The following NBEA variants were observed in gnomAD, a reference collection of about 807,000 sequenced individuals.
The protein encoded by NBEA is neurobeachin.
In NBEA, 44 loss-of-function variants were observed where a neutral mutation model predicts 343.4. The ratio of observed to expected loss-of-function variants is 0.13; its 90% CI spans 0.10 to 0.16. NBEA has a LOEUF of 0.16. Ranked by LOEUF, NBEA falls within the 10% of genes least tolerant of loss-of-function variation. The pLI, the probability that NBEA is intolerant of heterozygous loss-of-function variation, is 1.00. For missense variants in NBEA, 2,555 were observed against 3,631.3 expected (o/e 0.70, Z 7.62); for synonymous variants, 1,175 against 1,238.7 (o/e 0.95, Z 1.08).
intron 10 of NBEA, among the ~76,000 whole-genome samples, chr13:35,081,697 T>G (rs893708174): frequency 2.0e-5 from 3 of 152,262 alleles, no homozygotes; most frequent in Admixed American, 6.5e-5. Flanking sequence ...AACAGAAGAT[T>G]TTTTATATAA....
Position 35,349,363 on chromosome 13 carries a change from TCAAA to T in NBEA, c.6012+150_6012+153del, listed in dbSNP as rs1234487559. ...TGTTTTTTAAAAGCTTTAGTAAATG[TCAAA>T]CAGAGTACTAATATATTTTCACCCC... On this transcript the variant is annotated intron_variant, in intron 37 of 58. Transcript: ENST00000379939. The T allele has an allele frequency of 1.2e-5, 6 of 505,990 alleles. No homozygotes were observed. In the East Asian group the frequency reaches 1.2e-4, roughly 10 times the overall value. 31.3% of individuals were successfully genotyped at this position (505,990 alleles called of 1,614,324 possible). A position where few individuals can be genotyped will look rare whatever the true frequency, so the allele number is the denominator to read the frequency against.
intron 38 of NBEA, among the ~76,000 whole-genome samples, chr13:35,388,299 A>G (rs1345010238): frequency 1.3e-5 from 2 of 152,180 alleles, no homozygotes; most frequent in Admixed American, 6.5e-5. Context: ...TGTCTTGGAA[A>G]GCCTTCTGGG....
intron 56 of NBEA, 91 bp from the exon 57 acceptor site, chr13:35,667,283 C>T (rs894717933): frequency 7.7e-6 from 8 of 1,038,068 alleles, no homozygotes; most frequent in African/African-American, 1.6e-5. Flanking sequence ...CACATCTGAG[C>T]GCACACCCAG....
chr13:35,629,556 G>T (rs1030509250), intron 49 of NBEA, among the ~76,000 whole-genome samples: 3 of 152,122 alleles, frequency 2.0e-5, no homozygotes, highest in African/African-American at 7.2e-5. Context: ...ACCATATTGT[G>T]TGCACACAAG....
chr13:35,436,051 AG>A (rs1385205499), intron 39 of NBEA, among the ~76,000 whole-genome samples: 1 of 152,040 alleles, frequency 6.6e-6, no homozygotes, highest in African/African-American at 2.4e-5. Flanking sequence ...TATTGTGGGA[AG>A]ACTGGTTTCA....
chr13:35,287,574 C>G (rs2035513333), intron 34 of NBEA, among the ~76,000 whole-genome samples: 3 of 152,048 alleles, frequency 2.0e-5, no homozygotes, highest in Admixed American at 1.3e-4. Flanking sequence ...TCTCTTTGTT[C>G]TCTGCTTCCT....
chr13:35,576,911 G>A (rs2080770538), intron 45 of NBEA, among the ~76,000 whole-genome samples: 1 of 152,018 alleles, frequency 6.6e-6, no homozygotes, highest in Non-Finnish European at 1.5e-5. Context: ...GTGTACTTAC[G>A]ACTTTTGATT....
At chr13:35,131,648 T>C (rs2067435787) in intron 17 of NBEA, among the ~76,000 whole-genome samples, 1 of 152,188 alleles carries the variant, frequency 6.6e-6, no homozygotes, top group Admixed American at 6.5e-5. Context: ...AAGCCTGCTT[T>C]CACCACCCCT....
At chr13:35,535,351 A>C (rs2078486767) in intron 41 of NBEA, among the ~76,000 whole-genome samples, 1 of 152,212 alleles carries the variant, frequency 6.6e-6, no homozygotes. Flanking sequence ...CTTCAAATGC[A>C]GAAGACAGAA....
At chr13:35,042,375 G>T (rs999032890) in intron 2 of NBEA, among the ~76,000 whole-genome samples, 9 of 151,446 alleles carry the variant, frequency 5.9e-5, no homozygotes, top group Admixed American at 5.3e-4. Context: ...AAATTCTAGA[G>T]GTACTTAATA....
chr13:35,006,774 G>A (rs1386835138), intron 1 of NBEA, among the ~76,000 whole-genome samples: 5 of 152,134 alleles, frequency 3.3e-5, no homozygotes, highest in Non-Finnish European at 7.4e-5. Context: ...TTTTGAAAGA[G>A]TCTCACTCTG....
At chr13:35,315,799 A>T (rs1313764257) in intron 36 of NBEA, among the ~76,000 whole-genome samples, 1 of 152,114 alleles carries the variant, frequency 6.6e-6, no homozygotes, top group Admixed American at 6.6e-5. Flanking sequence ...TAGTGATTGT[A>T]TGGCACCAAT....
chr13:35,595,746 A>G (rs2081762712), intron 47 of NBEA, among the ~76,000 whole-genome samples: 2 of 152,086 alleles, frequency 1.3e-5, no homozygotes, highest in African/African-American at 2.4e-5. Flanking sequence ...ATCCTCAAAG[A>G]TGAAAATTCA....
chr13:35,374,389 A>G (rs1270914640), intron 38 of NBEA, among the ~76,000 whole-genome samples: 2 of 152,204 alleles, frequency 1.3e-5, no homozygotes, highest in Non-Finnish European at 2.9e-5. Context: ...ACCATAACAG[A>G]TATTTTAGAA....
At chr13:35,630,360 C>G (rs1250795670) in intron 49 of NBEA, among the ~76,000 whole-genome samples, 1 of 152,046 alleles carries the variant, frequency 6.6e-6, no homozygotes, top group East Asian at 1.9e-4. Flanking sequence ...CTTAATGAAA[C>G]ATTACATAGA....
At chr13:35,071,810 A>G (rs1334603485) in intron 10 of NBEA, among the ~76,000 whole-genome samples, 1 of 152,072 alleles carries the variant, frequency 6.6e-6, no homozygotes, top group Non-Finnish European at 1.5e-5. Flanking sequence ...CCATTTTAGT[A>G]TTTCTAATAA....
At chr13:35,227,154 T>C (rs1281252845) in intron 33 of NBEA, among the ~76,000 whole-genome samples, 1 of 151,886 alleles carries the variant, frequency 6.6e-6, no homozygotes, top group East Asian at 1.9e-4. Flanking sequence ...TTTTTTTCAA[T>C]ATCATGTTTT....
intron 44 of NBEA, among the ~76,000 whole-genome samples, chr13:35,558,779 A>G (rs1566319011): frequency 6.6e-6 from 1 of 152,324 alleles, no homozygotes; most frequent in East Asian, 1.9e-4. Context: ...CCTAATTATC[A>G]GGGCAAGATT....
At chr13:35,235,126 C>T (rs1399947508) in intron 34 of NBEA, among the ~76,000 whole-genome samples, 2 of 152,140 alleles carry the variant, frequency 1.3e-5, no homozygotes, top group Non-Finnish European at 2.9e-5. Flanking sequence ...GTGGTGGCAT[C>T]ATAGTTACGG....
Sources: allele counts gnomAD v4.1 joint callset (sites outside exome capture counted in the v4.1 genomes callset), GRCh38; gene constraint gnomAD v4.1.1; transcripts MANE v1.5; gene names NCBI Gene and HGNC (gene_info 2026-07-23, HGNC 2026-07-21).